The following PCDH9 variants were observed in gnomAD, a reference collection of about 807,000 sequenced individuals.
The protein encoded by PCDH9 is protocadherin-9.
In PCDH9, 24 loss-of-function variants were observed where a neutral mutation model predicts 70.6. The observed-to-expected ratio is 0.34, with a 90% CI of 0.25 to 0.48. The LOEUF (loss-of-function observed/expected upper bound fraction) is 0.48, where lower values mean the gene tolerates loss of function less well. Ranked by LOEUF, PCDH9 falls within the 20% of genes least tolerant of loss-of-function variation. The pLI is 0.99. For missense variants in PCDH9, 1,281 were observed against 1,503.6 expected, an observed-to-expected ratio of 0.85 and a Z score of 2.45; for synonymous variants, 562 against 558.5, an observed-to-expected ratio of 1.01 and a Z score of -0.09.
intron 3 of PCDH9, among the ~76,000 whole-genome samples, chr13:66,787,028 T>G (rs1210247215): frequency 6.6e-6 from 1 of 152,144 alleles, no homozygotes; most frequent in Non-Finnish European, 1.5e-5. Context: ...TTAACCAAGC[T>G]TCTCCAAATG....
At chr13:66,460,024 T>C (rs574433366) in intron 4 of PCDH9, among the ~76,000 whole-genome samples, 40 of 151,920 alleles carry the variant, frequency 2.6e-4, no homozygotes, top group Non-Finnish European at 5.3e-4. Flanking sequence ...GAAACTAACA[T>C]GAAATCTGTA....
intron 4 of PCDH9, among the ~76,000 whole-genome samples, chr13:66,349,690 A>C (rs138635920): frequency 3.3e-5 from 5 of 152,124 alleles, no homozygotes; most frequent in African/African-American, 1.2e-4. Context: ...TGCTACCTTT[A>C]CCTGGCTTAG....
chr13:66,552,018 G>C lies in PCDH9; in HGVS notation c.3340+79192C>G, dbSNP rs556990124. Among the ~76,000 whole-genome samples the C allele has an allele frequency of 3.3e-5, 5 of 152,168 alleles. No homozygotes were observed. The South Asian group carries it at 1.0e-3, about 32-fold the overall frequency. On this transcript the variant is annotated intron_variant, in intron 4 of 4. Coordinates refer to ENST00000377865, the MANE Select transcript of PCDH9 (RefSeq NM_203487.3). ...GCTGAACACAAAGAATATTAATGTT[G>C]CTTGTCTTATAGTTGTCAATCCCCT...
intron 4 of PCDH9, among the ~76,000 whole-genome samples, chr13:66,537,241 A>C (rs1255407373): frequency 2.0e-5 from 3 of 152,076 alleles, no homozygotes; most frequent in Non-Finnish European, 4.4e-5. Flanking sequence ...TTAGTCAGCC[A>C]ATGATGCATT....
rs140406931 is a variant in PCDH9, at chr13:67,023,034, A to G, written c.3037-119429T>C. Reference sequence around the variant, plus strand: ...TCACCAAATCAAACCAATCACTGCAATGCAGTTTTCTCTTTCAGCTCTTAC... The same window carrying G: ...TCACCAAATCAAACCAATCACTGCAGTGCAGTTTTCTCTTTCAGCTCTTAC... On this transcript the variant is annotated intron_variant, in intron 2 of 4. Transcript: ENST00000377865. 3.5e-3 allele frequency among the ~76,000 whole-genome samples: 537 copies of G among 152,344 alleles called. 5 individuals carry two copies. The highest frequency in any genetic ancestry group is 0.012 in the African/African-American group (517 of 41,576).
At position 67,038,439 on chromosome 13, in the gene PCDH9, A is replaced by G. The variant is rs556106312; in HGVS notation, c.3037-134834T>C. 4.1e-4 allele frequency among the ~76,000 whole-genome samples: 62 copies of G among 152,302 alleles called. 1 individual carries two copies. In the South Asian group the frequency reaches 0.012, roughly 29 times the overall value. ...ACCATATAAATACAGTCAAATATAA[A>G]TATGTATATGTATTTAGGATTTTAA... On this transcript the variant is annotated intron_variant, in intron 2 of 4. Transcript: ENST00000377865.
At chr13:66,967,494 G>T (rs1336162477) in intron 2 of PCDH9, among the ~76,000 whole-genome samples, 1 of 151,978 alleles carries the variant, frequency 6.6e-6, no homozygotes, top group Non-Finnish European at 1.5e-5. Flanking sequence ...ACTGCAGAAA[G>T]TTCTTTAGGA....
At chr13:66,533,925 T>C (rs1322564823) in intron 4 of PCDH9, among the ~76,000 whole-genome samples, 1 of 152,150 alleles carries the variant, frequency 6.6e-6, no homozygotes, top group Non-Finnish European at 1.5e-5. Flanking sequence ...ACTTTTTTTG[T>C]TCTTTCTATG....
chr13:66,979,698 T>C (rs1383778872), intron 2 of PCDH9, among the ~76,000 whole-genome samples: 2 of 152,134 alleles, frequency 1.3e-5, no homozygotes, highest in Non-Finnish European at 2.9e-5. Flanking sequence ...CCTATTCTGA[T>C]CATATCCCCC....
At chr13:66,636,097 A>G (rs1403782299) in intron 3 of PCDH9, among the ~76,000 whole-genome samples, 1 of 152,166 alleles carries the variant, frequency 6.6e-6, no homozygotes. Context: ...GTGAATCTGC[A>G]TAAGCTAATT....
intron 3 of PCDH9, among the ~76,000 whole-genome samples, chr13:66,812,151 C>A (rs1211969969): frequency 6.6e-6 from 1 of 152,028 alleles, no homozygotes; most frequent in Admixed American, 6.5e-5. Context: ...TGAGCCTCTT[C>A]TTTCAATATT....
At chr13:66,544,452 A>AT (rs1395804106) in intron 4 of PCDH9, among the ~76,000 whole-genome samples, 2 of 152,166 alleles carry the variant, frequency 1.3e-5, no homozygotes, top group Non-Finnish European at 2.9e-5. Context: ...GAGCCCCCGA[A>AT]TTGGAGCTTA....
At chr13:67,014,025 T>G (rs915710905) in intron 2 of PCDH9, among the ~76,000 whole-genome samples, 2 of 152,090 alleles carry the variant, frequency 1.3e-5, no homozygotes, top group African/African-American at 4.8e-5. Flanking sequence ...TTCCTTCATA[T>G]TCAAGGTGTT....
intron 2 of PCDH9, chr13:67,205,686 A>G (rs2089322416): frequency 6.6e-6 from 1 of 152,236 alleles, no homozygotes; most frequent in African/African-American, 2.4e-5. Flanking sequence ...TATCATTCCG[A>G]GAATCAATTT....
intron 4 of PCDH9, among the ~76,000 whole-genome samples, chr13:66,551,569 T>C (rs1455500521): frequency 1.3e-5 from 2 of 152,150 alleles, no homozygotes; most frequent in Non-Finnish European, 2.9e-5. Context: ...CTACTTCTAA[T>C]TGATAGTGTA....
chr13:66,804,194 TTAC>T (rs1228354328), intron 3 of PCDH9, among the ~76,000 whole-genome samples: 2 of 152,216 alleles, frequency 1.3e-5, no homozygotes, highest in Non-Finnish European at 2.9e-5. Context: ...ATGTCACAGT[TTAC>T]TACATTGTGT....
intron 2 of PCDH9, among the ~76,000 whole-genome samples, chr13:67,013,285 A>ACACACG (rs2084489578): frequency 6.6e-6 from 1 of 151,650 alleles, no homozygotes; most frequent in Non-Finnish European, 1.5e-5. Context: ...ACACACACAC[A>ACACACG]CACACACACA....
At chr13:66,716,138 A>G (rs763718824) in intron 3 of PCDH9, among the ~76,000 whole-genome samples, 1 of 152,214 alleles carries the variant, frequency 6.6e-6, no homozygotes, top group South Asian at 2.1e-4. Flanking sequence ...CTGATTTCTG[A>G]TTGTTTTTAA....
intron 4 of PCDH9, among the ~76,000 whole-genome samples, chr13:66,606,521 G>A (rs2077224578): frequency 6.6e-6 from 1 of 152,050 alleles, no homozygotes. Flanking sequence ...CTTATTTTTT[G>A]TCTCACTGAA....
Sources: allele counts gnomAD v4.1 joint callset (sites outside exome capture counted in the v4.1 genomes callset), GRCh38; gene constraint gnomAD v4.1.1; transcripts MANE v1.5; gene names NCBI Gene and HGNC (gene_info 2026-07-23, HGNC 2026-07-21).